IZUMO2: variants seen among roughly 807,000 people sequenced by gnomAD.
The protein encoded by IZUMO2 is izumo sperm-egg fusion protein 2.
In IZUMO2, 24 loss-of-function variants were observed where a neutral mutation model predicts 31.2. That is an observed-to-expected ratio of 0.77 (90% CI 0.56 to 1.08). IZUMO2 has a LOEUF of 1.08. IZUMO2 is among the 50% of genes least tolerant of loss of function. The pLI is 0.00. For synonymous variants in IZUMO2, 144 were observed against 117.3 expected, an observed-to-expected ratio of 1.23 and a Z score of -1.47; for missense variants, 278 against 274.0, an observed-to-expected ratio of 1.01 and a Z score of -0.10.
chr19:50,162,542 G>C (rs531304150), intron 2 of IZUMO2, among the ~76,000 whole-genome samples, 197 bp downstream of exon 2: 2 of 152,122 alleles, frequency 1.3e-5, no homozygotes, highest in Non-Finnish European at 2.9e-5. Flanking sequence ...TGGAGCCCTG[G>C]AGGTCGAGGC....
chr19:50,162,758 T>A lies in IZUMO2; in HGVS notation c.288A>T (p.Leu96Phe). The A allele has an allele frequency of 1.2e-6, 2 of 1,613,964 alleles. No individual in the cohort carries two copies. Among genetic ancestry groups the A allele is most frequent in the Non-Finnish European group, 1.7e-6 (2 of 1,179,938 alleles). ...ASFVKNQTQH[L>F]MGNSLKDEPL... ...TCCTACCTTTCAGAGAGTTACCCAT[T>A]AAGTGCTGCGTTTGGTTCTTGACAA... The change falls in exon 2 of 7, where the codon TTA (leucine) becomes TTT (phenylalanine). Residue 96 changes from leucine to phenylalanine, a missense_variant. Coordinates refer to ENST00000293405, the MANE Select transcript of IZUMO2 (RefSeq NM_152358.3).
intron 6 of IZUMO2, among the ~76,000 whole-genome samples, chr19:50,154,264 GTT>G (rs71180675): frequency 0.12 from 9,690 of 79,198 alleles, 1,653 homozygotes; most frequent in Middle Eastern, 0.17. Flanking sequence ...AACTTTTAGC[GTT>G]TTTTTTTTTT....
At chr19:50,161,903 C>T (rs1231168219) in intron 2 of IZUMO2, among the ~76,000 whole-genome samples, 2 of 152,164 alleles carry the variant, frequency 1.3e-5, no homozygotes, top group African/African-American at 4.8e-5. Flanking sequence ...TCCTGCACAT[C>T]CCCCGCTCCC....
At position 50,154,699 on chromosome 19, in the gene IZUMO2, T is replaced by G; in HGVS notation, c.524A>C (p.Gln175Pro). The G allele has an allele frequency of 6.2e-7, 1 of 1,613,962 alleles. No homozygotes were observed. The highest frequency in any genetic ancestry group is 8.5e-7 in the Non-Finnish European group (1 of 1,179,956). ...CGGGTATTTGCTGTCCATCTGGTAC[T>G]GCAGGGCCACGCGGGGTTGCCGGTC... ...FVDRQPRVAL[Q>P]YQMDSKYPRN... The change falls in exon 6 of 7, where the codon CAG (glutamine) becomes CCG (proline). Residue 175 changes from glutamine (Q) to proline (P), a missense_variant. Gln to Pro is a moderately conservative substitution (Grantham distance 76). Coordinates refer to ENST00000293405, the MANE Select transcript of IZUMO2 (RefSeq NM_152358.3).
intron 5 of IZUMO2, among the ~76,000 whole-genome samples, chr19:50,156,178 G>A (rs1248182825): frequency 6.6e-6 from 1 of 152,136 alleles, no homozygotes; most frequent in East Asian, 1.9e-4. Flanking sequence ...CTAACCCAGT[G>A]GTTCTCAATC....
chr19:50,154,450 G>A, intron 6 of IZUMO2, 150 bp downstream of exon 6: 3 of 647,918 alleles, frequency 4.6e-6, no homozygotes, highest in Non-Finnish European at 7.8e-6. Context: ...GAAGAGGGAG[G>A]AGAGAGACAG....
intron 6 of IZUMO2, among the ~76,000 whole-genome samples, chr19:50,153,186 C>T (rs1209181708): frequency 6.6e-6 from 1 of 152,042 alleles, no homozygotes; most frequent in Non-Finnish European, 1.5e-5. Flanking sequence ...CATGTGAAGA[C>T]AGAGGAAGGG....
rs1332725348 is a variant in IZUMO2, at chr19:50,162,889, C to T, written c.232+74G>A. 1.9e-6 allele frequency: 3 copies of T among 1,605,124 alleles called. No individual in the cohort carries two copies. In the African/African-American group the frequency reaches 4.0e-5, roughly 21 times the overall value. On this transcript the variant is annotated intron_variant, in intron 1 of 6. Transcript: ENST00000293405. The stretch of plus-strand genomic sequence containing the variant: ...TGACCTCACCCCCTCCAGGCCTGGC[C>T]CCGACCCCTCTTGGGGGCGTGGTCT...
intron 5 of IZUMO2, 112 bp downstream of exon 5, chr19:50,158,156 G>A (rs916284810): frequency 1.2e-5 from 7 of 605,868 alleles, no homozygotes; most frequent in African/African-American, 1.9e-5. Flanking sequence ...AAATGGTTAG[G>A]GCAGGATTCG....
intron 6 of IZUMO2, among the ~76,000 whole-genome samples, chr19:50,154,340 G>A (rs1300887424): frequency 4.8e-4 from 69 of 142,690 alleles, no homozygotes; most frequent in Non-Finnish European, 7.6e-5. Context: ...CTGAGGACCC[G>A]GGAAAGTTGT....
intron 5 of IZUMO2, among the ~76,000 whole-genome samples, chr19:50,155,113 C>T (rs1226811774): frequency 6.6e-6 from 1 of 152,040 alleles, no homozygotes; most frequent in Non-Finnish European, 1.5e-5. Context: ...CCAAAAGATA[C>T]GATACAATGG....
At position 50,155,878 on chromosome 19, in the gene IZUMO2, C is replaced by T. The variant is rs1396157966; in HGVS notation, c.497-1152G>A. Among the ~76,000 whole-genome samples the T allele has an allele frequency of 5.3e-5, 8 of 152,334 alleles. No individual in the cohort carries two copies. The East Asian group carries it at 1.5e-3, about 29-fold the overall frequency. ...CACGTGACCCGGCCATTGTTCTAGC[C>T]ACCCTACTATTCTCTTTCATTCACT... On this transcript the variant is annotated intron_variant, in intron 5 of 6. Coordinates refer to ENST00000293405, the MANE Select transcript of IZUMO2 (RefSeq NM_152358.3).
rs2030129784 is a variant in IZUMO2 at position 50,154,264 on chromosome 19, G to GTTTTTTTGTTTTTTTTTTTT, written c.623+335_623+336insAAAAAAAAAAAACAAAAAAA. Among the ~76,000 whole-genome samples the GTTTTTTTGTTTTTTTTTTTT allele has an allele frequency of 2.5e-5, 2 of 79,280 alleles. 1 individual carries two copies. The highest frequency in any genetic ancestry group is 9.3e-5 in the African/African-American group (2 of 21,566). 52.0% of individuals were successfully genotyped at this position (79,280 alleles called of 152,430 possible). ...GCATCCACCAAATATAACTTTTAGC[G>GTTTTTTTGTTTTTTTTTTTT]TTTTTTTTTTTTTTTTTTTTTTTTT... On this transcript the variant is annotated intron_variant, in intron 6 of 6. Coordinates refer to ENST00000293405, the MANE Select transcript of IZUMO2 (RefSeq NM_152358.3).
intron 5 of IZUMO2, among the ~76,000 whole-genome samples, 186 bp from the exon 6 acceptor site, chr19:50,154,912 G>A (rs918002239): frequency 6.6e-6 from 1 of 152,138 alleles, no homozygotes; most frequent in Non-Finnish European, 1.5e-5. Flanking sequence ...TTCCTCTAGT[G>A]CTCTGTCTCA....
intron 5 of IZUMO2, among the ~76,000 whole-genome samples, chr19:50,157,120 A>G (rs145799589): frequency 6.6e-6 from 1 of 152,320 alleles, no homozygotes; most frequent in African/African-American, 2.4e-5. Context: ...AATTGTTAAC[A>G]TAATTTGATA....
chr19:50,154,264 G>GTTTTTTTT (rs71180675), intron 6 of IZUMO2, among the ~76,000 whole-genome samples: 3 of 79,284 alleles, frequency 3.8e-5, no homozygotes, highest in Non-Finnish European at 7.5e-5. Context: ...AACTTTTAGC[G>GTTTTTTTT]TTTTTTTTTT....
At chr19:50,155,495 T>A (rs918361897) in intron 5 of IZUMO2, among the ~76,000 whole-genome samples, 2 of 152,218 alleles carry the variant, frequency 1.3e-5, no homozygotes, top group African/African-American at 4.8e-5. Context: ...AGTTGCTGCA[T>A]CTTAGCTATT....
At chr19:50,158,118 G>A in intron 5 of IZUMO2, 150 bp downstream of exon 5, 3 of 452,846 alleles carry the variant, frequency 6.6e-6, no homozygotes, top group South Asian at 1.2e-4. Context: ...TCAGAATACA[G>A]GAGCAACTTC....
In IZUMO2 at chr19:50,156,387, C is replaced by T. The variant is rs147879982; in HGVS notation, c.497-1661G>A. ...TCAACAGTGCTGAGGTTGAGAAACCCTAGTCTAACCTCTGGCCCCATTAAA... is the reference window on the plus strand; with the variant it reads ...TCAACAGTGCTGAGGTTGAGAAACCTTAGTCTAACCTCTGGCCCCATTAAA... On this transcript the variant is annotated intron_variant, in intron 5 of 6. Coordinates refer to ENST00000293405, the MANE Select transcript of IZUMO2 (RefSeq NM_152358.3). 4.5e-3 allele frequency among the ~76,000 whole-genome samples: 681 copies of T among 152,226 alleles called. 5 individuals are homozygous for T. Among genetic ancestry groups the T allele is most frequent in the African/African-American group, 0.016 (650 of 41,544 alleles).
Sources: allele counts gnomAD v4.1 joint callset (sites outside exome capture counted in the v4.1 genomes callset), GRCh38; gene constraint gnomAD v4.1.1; transcripts MANE v1.5; gene names NCBI Gene and HGNC (gene_info 2026-07-23, HGNC 2026-07-21).